Variants in HIVEP1 observed in about 807,000 individuals in gnomAD.
HIVEP1 encodes the protein HIVEP zinc finger 1, also known as zinc finger protein 40.
Under a neutral mutation model 180.0 loss-of-function variants are expected in HIVEP1, and 36 were observed. The observed-to-expected ratio is 0.20, with a 90% CI of 0.15 to 0.26. The LOEUF is 0.26. Among genes scored for constraint, HIVEP1 ranks in the 10% least tolerant of loss-of-function variants. HIVEP1 has a pLI of 1.00. For synonymous variants in HIVEP1, 1,239 were observed against 1,239.0 expected, an observed-to-expected ratio of 1.00 and a Z score of 0.00; for missense variants, 3,143 against 3,268.7, an observed-to-expected ratio of 0.96 and a Z score of 0.94.
chr6:12,177,931 C>T, the HIVEP1 span, among the ~76,000 whole-genome samples: 6 of 152,164 alleles, frequency 3.9e-5, no homozygotes, highest in East Asian at 1.9e-4. Flanking sequence ...AAAGTGTTTG[C>T]GTTGGGTTTA....
intron 2 of HIVEP1, among the ~76,000 whole-genome samples, chr6:12,078,801 T>C (rs1772568542): frequency 2.0e-5 from 3 of 151,934 alleles, no homozygotes; most frequent in African/African-American, 7.2e-5. Context: ...GTGGCCTGCC[T>C]GAAAAGCTGG....
At chr6:12,020,948 C>T (rs9470749) in intron 2 of HIVEP1, among the ~76,000 whole-genome samples, 21,958 of 137,006 alleles carry the variant, frequency 0.16, 1,732 homozygotes, top group Admixed American at 0.22. Context: ...TGGAGTGCAG[C>T]GGTGTGATCT....
intron 2 of HIVEP1, among the ~76,000 whole-genome samples, chr6:12,084,362 C>T (rs1439925045): frequency 1.3e-5 from 2 of 152,112 alleles, no homozygotes; most frequent in East Asian, 3.9e-4. Flanking sequence ...TCATCTTCCT[C>T]AAAGACAGGT....
chr6:12,119,617 AG>A lies in HIVEP1; in HGVS notation c.95-272del, dbSNP rs1775434522. ...AAGATAATTCAGTTTTGAAAGATCT[AG>A]TTCCAGGATGTTGATTATTCAAGAA... is the stretch of plus-strand genomic sequence containing the variant. On this transcript the variant is annotated intron_variant, in intron 3 of 8. Transcript: ENST00000379388. 3.3e-5 allele frequency among the ~76,000 whole-genome samples: 5 copies of A among 152,360 alleles called. No homozygotes were observed. The South Asian group carries it at 1.0e-3, about 32-fold the overall frequency.
In HIVEP1 at chr6:12,040,099, T is replaced by C. The variant is rs562163558; in HGVS notation, c.40+24431T>C. Among the ~76,000 whole-genome samples the C allele has an allele frequency of 6.6e-5, 10 of 152,282 alleles. No homozygotes were observed. In the South Asian group the frequency reaches 1.2e-3, roughly 19 times the overall value. On this transcript the variant is annotated intron_variant, in intron 2 of 8. Coordinates refer to ENST00000379388, the MANE Select transcript of HIVEP1 (RefSeq NM_002114.4). ...AGTTGTTGGAACTGCTTATTATCTG[T>C]GTATGTGTGTGTGCCTGTGTGGGCG...
intron 2 of HIVEP1, among the ~76,000 whole-genome samples, chr6:12,073,496 T>G (rs1772124497): frequency 6.6e-6 from 1 of 152,136 alleles, no homozygotes; most frequent in Non-Finnish European, 1.5e-5. Context: ...CTCTGTGTCC[T>G]CCAGCTCAGT....
chr6:12,157,870 T>C (rs550064743), intron 7 of HIVEP1, among the ~76,000 whole-genome samples: 1 of 152,334 alleles, frequency 6.6e-6, no homozygotes, highest in East Asian at 1.9e-4. Context: ...TTCTCTTTCA[T>C]CTTTGAAAAT....
upstream of HIVEP1, among the ~76,000 whole-genome samples, chr6:12,011,401 C>T (rs1254087333): frequency 6.6e-6 from 1 of 151,454 alleles, no homozygotes; most frequent in Non-Finnish European, 1.5e-5. Flanking sequence ...GAAACTACGG[C>T]CCCGCCCGTC....
chr6:12,014,806 C>G (rs1441940908), intron 1 of HIVEP1, among the ~76,000 whole-genome samples: 1 of 152,212 alleles, frequency 6.6e-6, no homozygotes, highest in East Asian at 1.9e-4. Flanking sequence ...TAACAAATAA[C>G]TCTCAAACCT....
At chr6:12,023,806 A>C (rs1319709891) in intron 2 of HIVEP1, among the ~76,000 whole-genome samples, 2 of 152,212 alleles carry the variant, frequency 1.3e-5, no homozygotes. Flanking sequence ...TTATTTTAGA[A>C]CATTTTTGTA....
At chr6:12,145,407 T>C (rs892255344) in intron 7 of HIVEP1, among the ~76,000 whole-genome samples, 2 of 151,434 alleles carry the variant, frequency 1.3e-5, no homozygotes, top group African/African-American at 4.9e-5. Flanking sequence ...TTAGGAGATA[T>C]ACCTAATGTA....
At chr6:12,019,482 A>T (rs114891239) in intron 2 of HIVEP1, among the ~76,000 whole-genome samples, 1 of 152,302 alleles carries the variant, frequency 6.6e-6, no homozygotes, top group African/African-American at 2.4e-5. Context: ...ACTAGAAGAC[A>T]TCTCTAATGC....
chr6:12,039,563 A>G (rs141785295), intron 2 of HIVEP1, among the ~76,000 whole-genome samples: 24 of 152,142 alleles, frequency 1.6e-4, no homozygotes, highest in Non-Finnish European at 2.6e-4. Context: ...CATTTGTTCT[A>G]TTGACGCCAA....
intron 2 of HIVEP1, among the ~76,000 whole-genome samples, chr6:12,065,703 G>A (rs879567172): frequency 5.9e-5 from 9 of 151,620 alleles, no homozygotes; most frequent in Non-Finnish European, 1.3e-4. Context: ...GTGTGTGTGT[G>A]TGTGTGTGTG....
rs575359353 is a variant in HIVEP1, at chr6:12,122,433, G to T, written c.2638G>T (p.Val880Leu). 22 of 1,614,226 alleles carry T rather than the reference G, an allele frequency of 1.4e-5. No homozygotes were observed. The East Asian group carries it at 4.9e-4, about 36-fold the overall frequency. The change falls in exon 4 of 9, where the codon GTA (valine) becomes TTA (leucine). Residue 880 changes from valine to leucine, a missense_variant. By Grantham distance (32) the Val-to-Leu change is conservative. Around this residue, in one of 12 missense-constraint regions of HIVEP1, gnomAD observed 204 missense variants for 243.7 expected, o/e 0.84. Coordinates refer to ENST00000379388, the MANE Select transcript of HIVEP1 (RefSeq NM_002114.4). ...KIGAFYDDVFVSGPNAPVPQS... is the reference protein window; with the variant it reads ...KIGAFYDDVFLSGPNAPVPQS... Reference sequence around the variant, plus strand: ...TGGCGCTTTCTATGATGATGTCTTTGTATCGGGACCTAACGCTCCTGTGCC... The same window carrying T: ...TGGCGCTTTCTATGATGATGTCTTTTTATCGGGACCTAACGCTCCTGTGCC...
chr6:12,205,093 G>A, the HIVEP1 span, among the ~76,000 whole-genome samples: 1 of 152,134 alleles, frequency 6.6e-6, no homozygotes, highest in African/African-American at 2.4e-5. Flanking sequence ...CACACAGCTG[G>A]CAGGGGTGAT....
the HIVEP1 span, among the ~76,000 whole-genome samples, chr6:12,190,083 T>G: frequency 8.5e-5 from 13 of 152,226 alleles, no homozygotes; most frequent in Non-Finnish European, 1.9e-4. Context: ...TATAAATATG[T>G]ATGCACACAT....
At chr6:12,167,581 C>CATGTTATATTACATTTATATATACAT (rs55679474), downstream of HIVEP1, among the ~76,000 whole-genome samples, 3 of 64,914 alleles carry the variant, frequency 4.6e-5, no homozygotes, top group Admixed American at 1.5e-4. Context: ...GTTATATATA[C>CATGTTATATTACATTTATATATACAT]GTTATATTAC....
intron 2 of HIVEP1, among the ~76,000 whole-genome samples, chr6:12,064,304 A>G (rs1258208132): frequency 6.6e-6 from 1 of 152,162 alleles, no homozygotes; most frequent in African/African-American, 2.4e-5. Flanking sequence ...TTTCTGTGTT[A>G]CAACAGTCAG....
Sources: gnomAD v4.1 joint callset for allele counts (sites outside exome capture counted in the v4.1 genomes callset) on GRCh38, gnomAD v4.1.1 for gene constraint, gnomAD v4.1.1 regional missense constraint, MANE v1.5 for transcripts, NCBI Gene and HGNC (gene_info 2026-07-23, HGNC 2026-07-21) for gene names.